The following PLCXD1 variants were observed in gnomAD, a reference collection of about 807,000 sequenced individuals.
The protein encoded by PLCXD1 is PI-PLC X domain-containing protein 1.
Under a neutral mutation model 37.8 loss-of-function variants are expected in PLCXD1, and 45 were observed. That is an observed-to-expected ratio of 1.19 (90% CI 0.94 to 1.53). The LOEUF is 1.53. Among genes scored for constraint, PLCXD1 ranks in the 40% most tolerant of loss-of-function variants. The probability of loss-of-function intolerance (pLI) is 0.00; values close to 1 mark genes in which losing one functional copy is unlikely to be tolerated. For missense variants in PLCXD1, 539 were observed against 454.7 expected (o/e 1.19, Z -1.69); for synonymous variants, 246 against 206.9 (o/e 1.19, Z -1.62).
chrX:296,467 G>A (rs964728170), intron 6 of PLCXD1, among the ~76,000 whole-genome samples: 9 of 152,270 alleles, frequency 5.9e-5, no homozygotes, highest in Non-Finnish European at 1.3e-4. Context: ...GGCCATAAAC[G>A]TCTGTTGCCT....
At position 292,305 on chromosome X, in the gene PLCXD1, A is replaced by G. The variant is rs1397184026; in HGVS notation, c.549+651A>G. Among the ~76,000 whole-genome samples the G allele has an allele frequency of 4.0e-5, 6 of 151,396 alleles. No individual in the cohort carries two copies. The East Asian group carries it at 1.2e-3, about 30-fold the overall frequency. On this transcript the variant is annotated intron_variant, in intron 5 of 6. Coordinates refer to ENST00000381657, the MANE Select transcript of PLCXD1 (RefSeq NM_018390.4). The stretch of plus-strand genomic sequence containing the variant: ...CCCGTCTCTACTAACACAAAATACA[A>G]ACAATTAGCCGGGCGTGGTGGCGGG...
chrX:295,953 G>T, intron 6 of PLCXD1, among the ~76,000 whole-genome samples: 1 of 151,726 alleles, frequency 6.6e-6, no homozygotes, highest in African/African-American at 2.4e-5. Flanking sequence ...CAATTCTCCC[G>T]CCTCAGCCTC....
rs187648724 is a variant in PLCXD1, at chrX:288,711, C to A, written c.128-22C>A. On this transcript the variant is annotated intron_variant, in intron 2 of 6. Transcript: ENST00000381657. ...GGGGACGGACTCGTGGTGACATGTC[C>A]GCGTGTGTGCTTTGCTCTCAGGGAG... is the stretch of plus-strand genomic sequence containing the variant. 6.2e-6 allele frequency: 10 copies of A among 1,613,158 alleles called. No individual in the cohort carries two copies. The African/African-American group carries it at 1.2e-4, about 19-fold the overall frequency.
chrX:298,893 A>G (rs1272431097), intron 6 of PLCXD1, among the ~76,000 whole-genome samples: 1 of 152,164 alleles, frequency 6.6e-6, no homozygotes. Context: ...TCTGTCTCCC[A>G]CACGGTGTTA....
At chrX:289,467 G>A (rs1240518814) in intron 3 of PLCXD1, among the ~76,000 whole-genome samples, 3 of 150,704 alleles carry the variant, frequency 2.0e-5, no homozygotes, top group Admixed American at 6.6e-5. Flanking sequence ...AGAGGGTCTC[G>A]CCCTGTTGCA....
rs746670090 is a variant in PLCXD1 at position 293,226 on chromosome X, G to C, written c.733+8G>C. ...AGAGCTGCGGCCGCCCAGGTACCAG[G>C]TCGCCCCTCGTGGGGGTAGATTCCA... On this transcript the variant is annotated splice_region_variant and intron_variant, in intron 6 of 6. Coordinates refer to ENST00000381657, the MANE Select transcript of PLCXD1 (RefSeq NM_018390.4). 55 of 1,605,138 alleles carry C rather than the reference G, an allele frequency of 3.4e-5. No individual in the cohort carries two copies. The highest frequency in any genetic ancestry group is 4.7e-5 in the Non-Finnish European group (55 of 1,174,576).
At chrX:289,855 A>G (rs1184160907) in intron 3 of PLCXD1, among the ~76,000 whole-genome samples, 5 of 151,904 alleles carry the variant, frequency 3.3e-5, no homozygotes, top group Admixed American at 6.6e-5. Context: ...ACAAGGACTC[A>G]TTTCTCGTGT....
rs770928591 is a variant in PLCXD1 at position 299,243 on chromosome X, C to T, written c.880C>T (p.Arg294Trp). Reference sequence around the variant, plus strand: ...AGAGCAGTGCCCGGGGCCGGGTTCACGGTGCACCAACATCATCGCGGGGGA... The same window carrying T: ...AGAGCAGTGCCCGGGGCCGGGTTCATGGTGCACCAACATCATCGCGGGGGA... ...VREQCPGPGS[R>W]CTNIIAGDFI... is the part of the protein sequence containing the mutation. Residue 294 changes from arginine to tryptophan, a missense_variant, in exon 7 of 7, where the codon CGG becomes TGG. Arg to Trp is a moderately radical substitution (Grantham distance 101). Transcript: ENST00000381657. 2.7e-5 allele frequency: 43 copies of T among 1,613,750 alleles called. No homozygotes were observed. In the Admixed American group the frequency reaches 4.7e-4, roughly 18 times the overall value.
Position 300,556 on chromosome X carries a change from A to C in PLCXD1, c.*1221A>C, listed in dbSNP as rs190140099. On this transcript the variant is annotated 3_prime_UTR_variant, in exon 7 of 7. Coordinates refer to ENST00000381657, the MANE Select transcript of PLCXD1 (RefSeq NM_018390.4). ...TATGCATACATGTATATGTGTATGC[A>C]TGTATATGTGTATGTGTACATGTAT... 1 of 145,860 alleles carries C rather than the reference A, an allele frequency of 6.9e-6. No individual in the cohort carries two copies. Among genetic ancestry groups the C allele is most frequent in the South Asian group, 2.1e-4 (1 of 4,788 alleles). 9.0% of individuals were successfully genotyped at this position (145,860 alleles called of 1,614,324 possible). A position where few individuals can be genotyped will look rare whatever the true frequency, so the allele number is the denominator to read the frequency against.
intron 5 of PLCXD1, 101 bp from the exon 6 acceptor site, chrX:292,934 A>C: frequency 1.3e-6 from 1 of 764,676 alleles, no homozygotes; most frequent in South Asian, 1.9e-5. Context: ...TTTGGTTTAT[A>C]CTCGTGTTGG....
At chrX:293,295 A>G (rs1180082472) in intron 6 of PLCXD1, 77 bp downstream of exon 6, 3 of 1,057,626 alleles carry the variant, frequency 2.8e-6, no homozygotes, top group Non-Finnish European at 2.8e-6. Flanking sequence ...GTCCACATGG[A>G]CTTGCCTTCA....
Position 288,881 on chromosome X carries a change from G to C in PLCXD1, c.264+12G>C, listed in dbSNP as rs914494327. ...GGTCCGTCACCCAGGTACGGTCTGT[G>C]CCCCGTGCTGCTGACCTGGCCTGTC... On this transcript the variant is annotated intron_variant, in intron 3 of 6. Coordinates refer to ENST00000381657, the MANE Select transcript of PLCXD1 (RefSeq NM_018390.4). 3.1e-6 allele frequency: 5 copies of C among 1,611,400 alleles called. No homozygotes were observed. The highest frequency in any genetic ancestry group is 4.2e-6 in the Non-Finnish European group (5 of 1,179,206).
intron 5 of PLCXD1, 41 bp from the exon 6 acceptor site, chrX:292,994 C>T: frequency 6.8e-7 from 1 of 1,460,418 alleles, no homozygotes; most frequent in Non-Finnish European, 9.3e-7. Context: ...GCCCCCGGCT[C>T]TCCTCTCTCC....
intron 6 of PLCXD1, among the ~76,000 whole-genome samples, chrX:296,999 T>C (rs2069837263): frequency 1.7e-5 from 1 of 58,776 alleles, no homozygotes; most frequent in South Asian, 4.0e-4. Context: ...GATTAGGACG[T>C]GGACATCTTT....
At chrX:277,168 T>C (rs1421219994), upstream of PLCXD1, among the ~76,000 whole-genome samples, 1 of 146,696 alleles carries the variant, frequency 6.8e-6, no homozygotes, top group Admixed American at 6.7e-5. Flanking sequence ...TGCTCCACTT[T>C]GTCATGTGTG....
intron 6 of PLCXD1, among the ~76,000 whole-genome samples, chrX:294,674 C>T (rs182702172): frequency 3.0e-3 from 449 of 149,738 alleles, no homozygotes; most frequent in African/African-American, 7.4e-3. Flanking sequence ...CATGGTGATG[C>T]GCGCCTATAA....
At chrX:296,726 C>T (rs1161739141) in intron 6 of PLCXD1, among the ~76,000 whole-genome samples, 2 of 152,180 alleles carry the variant, frequency 1.3e-5, no homozygotes, top group Admixed American at 1.3e-4. Flanking sequence ...AGCATTCTTC[C>T]TGTCTATCAC....
Position 288,830 on chromosome X carries a change from C to A in PLCXD1, c.225C>A (p.Cys75Ter). The A allele has an allele frequency of 6.2e-7, 1 of 1,613,636 alleles. No homozygotes were observed. Residue 75 changes from cysteine (C) to a stop codon, truncating the protein, a stop_gained, in exon 3 of 7, where the codon TGC (cysteine) becomes TGA (stop). Transcript: ENST00000381657. LOFTEE classifies it high-confidence loss of function. ...LLQLLNKALPCITRPVVLKWS... is the reference protein window; with the variant it reads ...LLQLLNKALP ...AGCTGCTGAACAAGGCCTTGCCCTG[C>A]ATCACGCGCCCTGTCGTGCTGAAAT...
chrX:289,711 CTG>C (rs1165090970), intron 3 of PLCXD1, among the ~76,000 whole-genome samples: 2 of 151,430 alleles, frequency 1.3e-5, no homozygotes, highest in Non-Finnish European at 2.9e-5. Flanking sequence ...CAGGGTTTCA[CTG>C]TGTTAGCCAG....
Sources: allele counts gnomAD v4.1 joint callset (sites outside exome capture counted in the v4.1 genomes callset), GRCh38; gene constraint gnomAD v4.1.1; transcripts MANE v1.5; gene names NCBI Gene and HGNC (gene_info 2026-07-23, HGNC 2026-07-21).